The following NXPE2 variants were observed in gnomAD, a reference collection of about 807,000 sequenced individuals.
NXPE2 encodes the protein NXPE family member 2.
A neutral mutation model predicts 34.4 loss-of-function variants in NXPE2; 34 were observed. The observed-to-expected ratio is 0.99, with a 90% CI of 0.75 to 1.31. NXPE2 has a LOEUF of 1.31. Ranked by LOEUF, NXPE2 falls within the 40% of genes most tolerant of loss-of-function variation. The pLI, the probability that NXPE2 is intolerant of heterozygous loss-of-function variation, is 0.00. For missense variants in NXPE2, 649 were observed against 672.5 expected, an observed-to-expected ratio of 0.97 and a Z score of 0.39; for synonymous variants, 235 against 231.3, an observed-to-expected ratio of 1.02 and a Z score of -0.15.
At chr11:114,538,621 A>T in the NXPE2 span, among the ~76,000 whole-genome samples, 7 of 152,386 alleles carry the variant, frequency 4.6e-5, no homozygotes, top group Admixed American at 1.3e-4. Flanking sequence ...TGGGCGAAGG[A>T]TATGAACAGA....
At chr11:114,624,250 G>A in the NXPE2 span, among the ~76,000 whole-genome samples, 1 of 145,898 alleles carries the variant, frequency 6.9e-6, no homozygotes, top group Non-Finnish European at 1.5e-5. Context: ...TAATCACTGT[G>A]ACCCGGTGGA....
chr11:114,495,621 C>T, the NXPE2 span, among the ~76,000 whole-genome samples: 1 of 151,962 alleles, frequency 6.6e-6, no homozygotes, highest in African/African-American at 2.4e-5. Flanking sequence ...TGTGCTGGGT[C>T]ACACCTGCAG....
chr11:114,805,918 C>T, the NXPE2 span, among the ~76,000 whole-genome samples: 1 of 152,200 alleles, frequency 6.6e-6, no homozygotes, highest in African/African-American at 2.4e-5. Context: ...CCCTGACCCC[C>T]GAGTAGCATA....
At chr11:114,492,793 C>T in the NXPE2 span, among the ~76,000 whole-genome samples, 4 of 152,156 alleles carry the variant, frequency 2.6e-5, no homozygotes, top group South Asian at 2.1e-4. Flanking sequence ...CCTGCCTTGG[C>T]CTCCCAAAGT....
the NXPE2 span, among the ~76,000 whole-genome samples, chr11:114,540,107 C>T: frequency 6.6e-6 from 1 of 152,212 alleles, no homozygotes; most frequent in African/African-American, 2.4e-5. Context: ...AGACGCCTGC[C>T]ATCATGCCTG....
the NXPE2 span, among the ~76,000 whole-genome samples, chr11:114,662,155 T>C: frequency 3.6e-3 from 543 of 152,264 alleles, 2 homozygotes; most frequent in African/African-American, 0.013. Flanking sequence ...AAAGCAATCT[T>C]GAATTGCCAA....
chr11:114,699,957 C>A (rs1160289329), intron 3 of NXPE2, among the ~76,000 whole-genome samples: 2 of 152,088 alleles, frequency 1.3e-5, no homozygotes, highest in Admixed American at 6.5e-5. Context: ...CCACACCTGG[C>A]TAATTTTTGT....
chr11:114,668,942 T>C, the NXPE2 span, among the ~76,000 whole-genome samples: 1 of 152,104 alleles, frequency 6.6e-6, no homozygotes, highest in Non-Finnish European at 1.5e-5. Context: ...ATTAGAAGAA[T>C]GGAATCTCTG....
At chr11:114,594,686 G>A in the NXPE2 span, 3 of 1,601,478 alleles carry the variant, frequency 1.9e-6, no homozygotes, top group Non-Finnish European at 1.7e-6. Context: ...CTGGAAAACT[G>A]TAAAAATGAT....
At chr11:114,570,313 A>G in the NXPE2 span, among the ~76,000 whole-genome samples, 1 of 152,188 alleles carries the variant, frequency 6.6e-6, no homozygotes, top group Admixed American at 6.5e-5. Flanking sequence ...TAAAATGATC[A>G]ACAGCAACAA....
the NXPE2 span, among the ~76,000 whole-genome samples, chr11:114,783,333 C>T: frequency 7.2e-5 from 11 of 152,198 alleles, no homozygotes; most frequent in African/African-American, 2.7e-4. Context: ...CTACTGTTCC[C>T]ACCTGAGGGG....
intron 3 of NXPE2, 140 bp downstream of exon 3, chr11:114,698,918 C>A: frequency 1.2e-6 from 1 of 839,958 alleles, no homozygotes; most frequent in Non-Finnish European, 1.8e-6. Flanking sequence ...GTCAGTTCAG[C>A]TTGGAGTGTG....
At chr11:114,651,691 C>T in the NXPE2 span, among the ~76,000 whole-genome samples, 2 of 152,140 alleles carry the variant, frequency 1.3e-5, no homozygotes, top group Admixed American at 6.5e-5. Flanking sequence ...TCTGTTTTTA[C>T]AGAGTGTTGA....
the NXPE2 span, among the ~76,000 whole-genome samples, chr11:114,477,834 A>G: frequency 6.6e-6 from 1 of 151,928 alleles, no homozygotes; most frequent in Non-Finnish European, 1.5e-5. Flanking sequence ...GTATAAAAGA[A>G]AAAGAATCCC....
At chr11:114,545,350 G>T in the NXPE2 span, among the ~76,000 whole-genome samples, 10 of 152,148 alleles carry the variant, frequency 6.6e-5, no homozygotes, top group Non-Finnish European at 1.2e-4. Context: ...TAAACAAATT[G>T]TAGTACATTG....
the NXPE2 span, among the ~76,000 whole-genome samples, chr11:114,761,034 T>C: frequency 6.6e-6 from 1 of 152,176 alleles, no homozygotes; most frequent in Non-Finnish European, 1.5e-5. Context: ...AGGACACCTA[T>C]TTTCTTGTCA....
At chr11:114,748,753 C>T in the NXPE2 span, among the ~76,000 whole-genome samples, 4 of 152,128 alleles carry the variant, frequency 2.6e-5, no homozygotes, top group Non-Finnish European at 5.9e-5. Context: ...CCATGCTTCT[C>T]CACAACAAAG....
chr11:114,762,341 A>G, the NXPE2 span, among the ~76,000 whole-genome samples: 1 of 152,152 alleles, frequency 6.6e-6, no homozygotes, highest in Admixed American at 6.5e-5. Context: ...TGTGTCTTTC[A>G]CAGCCTGATA....
the NXPE2 span, among the ~76,000 whole-genome samples, chr11:114,785,563 C>T: frequency 2.6e-5 from 4 of 152,110 alleles, no homozygotes; most frequent in Non-Finnish European, 5.9e-5. Context: ...GTGTCTTTAG[C>T]AACACTGTGT....
Sources: gnomAD v4.1 joint callset for allele counts (sites outside exome capture counted in the v4.1 genomes callset) on GRCh38, gnomAD v4.1.1 for gene constraint, MANE v1.5 for transcripts, NCBI Gene and HGNC (gene_info 2026-07-23, HGNC 2026-07-21) for gene names.